Variants in CPQ observed in about 807,000 individuals in gnomAD.
CPQ encodes the protein Ser-Met dipeptidase.
Under a neutral mutation model 45.7 loss-of-function variants are expected in CPQ, and 37 were observed. The observed-to-expected ratio is 0.81, with a 90% CI of 0.62 to 1.07. The LOEUF (loss-of-function observed/expected upper bound fraction) is 1.07, where lower values mean the gene tolerates loss of function less well. Among genes scored for constraint, CPQ ranks in the 50% least tolerant of loss-of-function variants. The probability of loss-of-function intolerance (pLI) is 0.00; values close to 1 mark genes in which losing one functional copy is unlikely to be tolerated. For synonymous variants in CPQ, 186 were observed against 205.8 expected, an observed-to-expected ratio of 0.90 and a Z score of 0.82; for missense variants, 537 against 572.9, an observed-to-expected ratio of 0.94 and a Z score of 0.64.
chr8:97,075,881 C>T (rs1371915020), intron 7 of CPQ, among the ~76,000 whole-genome samples: 1 of 152,178 alleles, frequency 6.6e-6, no homozygotes, highest in Non-Finnish European at 1.5e-5. Context: ...AGTCCTATTT[C>T]AGCCACACAG....
chr8:96,970,565 C>CTTTT (rs34088987), intron 5 of CPQ, among the ~76,000 whole-genome samples: 2 of 142,292 alleles, frequency 1.4e-5, no homozygotes, highest in Admixed American at 7.0e-5. Flanking sequence ...GCCCAACACT[C>CTTTT]TTTTTTTTTT....
chr8:96,724,348 CTT>C (rs1809806454), intron 1 of CPQ, among the ~76,000 whole-genome samples: 2 of 151,956 alleles, frequency 1.3e-5, no homozygotes, highest in African/African-American at 4.8e-5. Flanking sequence ...AATATTTGTT[CTT>C]TCCAAAACTC....
intron 4 of CPQ, among the ~76,000 whole-genome samples, chr8:96,884,080 A>T (rs1382832401): frequency 6.6e-6 from 1 of 152,190 alleles, no homozygotes; most frequent in Non-Finnish European, 1.5e-5. Context: ...ATGTAGTGCA[A>T]CATGTCCAAA....
chr8:96,933,410 G>A (rs1812999787), intron 4 of CPQ, among the ~76,000 whole-genome samples: 2 of 152,168 alleles, frequency 1.3e-5, no homozygotes, highest in African/African-American at 2.4e-5. Flanking sequence ...AAGTGGTCCT[G>A]TATCATCAGC....
chr8:96,812,918 G>A (rs1811177644), intron 2 of CPQ, among the ~76,000 whole-genome samples: 1 of 151,710 alleles, frequency 6.6e-6, no homozygotes, highest in Non-Finnish European at 1.5e-5. Context: ...AAGCCAAAAT[G>A]TTTGTCATCA....
intron 1 of CPQ, among the ~76,000 whole-genome samples, chr8:96,764,638 G>A (rs554555432): frequency 1.3e-5 from 2 of 152,132 alleles, no homozygotes; most frequent in African/African-American, 4.8e-5. Context: ...AAAAACCCAA[G>A]ACTAAAGTGA....
At chr8:96,862,017 C>T (rs1811932647) in intron 3 of CPQ, among the ~76,000 whole-genome samples, 1 of 151,930 alleles carries the variant, frequency 6.6e-6, no homozygotes. Context: ...GGGATCTCAA[C>T]AGGGATAAAG....
chr8:96,779,583 G>T (rs989177893), intron 1 of CPQ, among the ~76,000 whole-genome samples: 1 of 152,042 alleles, frequency 6.6e-6, no homozygotes, highest in Admixed American at 6.6e-5. Context: ...TATGGACTAG[G>T]GATCACTAAG....
At chr8:96,712,978 C>T (rs369624794) in intron 1 of CPQ, among the ~76,000 whole-genome samples, 81 of 152,164 alleles carry the variant, frequency 5.3e-4, no homozygotes, top group African/African-American at 1.8e-3. Context: ...CTGCCAAGTA[C>T]GCTAGATCAT....
intron 1 of CPQ, among the ~76,000 whole-genome samples, chr8:96,714,999 C>T (rs1256269808): frequency 6.6e-6 from 1 of 152,102 alleles, no homozygotes. Context: ...GGTTCATAGT[C>T]TCTTGTGGGG....
intron 1 of CPQ, among the ~76,000 whole-genome samples, chr8:96,681,110 A>G (rs1371459390): frequency 1.3e-5 from 2 of 152,220 alleles, no homozygotes; most frequent in Non-Finnish European, 2.9e-5. Context: ...AATAGAAAAG[A>G]TAATCTCATT....
At chr8:97,021,014 A>G (rs1234541159) in intron 5 of CPQ, among the ~76,000 whole-genome samples, 1 of 152,204 alleles carries the variant, frequency 6.6e-6, no homozygotes, top group African/African-American at 2.4e-5. Flanking sequence ...TATCAAAAAG[A>G]TAATCCACCA....
intron 4 of CPQ, among the ~76,000 whole-genome samples, chr8:96,939,348 G>C (rs970250674): frequency 6.6e-6 from 1 of 152,176 alleles, no homozygotes; most frequent in African/African-American, 2.4e-5. Context: ...CTCACTTCCT[G>C]TTGTGCGGCC....
chr8:97,142,991 A>G (rs765410700), intron 7 of CPQ, 29 bp from the exon 8 acceptor site: 4 of 1,610,728 alleles, frequency 2.5e-6, no homozygotes, highest in African/African-American at 1.3e-5. Context: ...AAAATACTCC[A>G]CTAAGAATTC....
At chr8:96,849,783 G>A (rs778946603) in intron 3 of CPQ, among the ~76,000 whole-genome samples, 15 of 152,070 alleles carry the variant, frequency 9.9e-5, no homozygotes, top group South Asian at 2.1e-4. Context: ...GTTTTTGGTG[G>A]CTTGGCACTT....
At chr8:96,983,036 A>C (rs2130391040) in intron 5 of CPQ, among the ~76,000 whole-genome samples, 1 of 152,310 alleles carries the variant, frequency 6.6e-6, no homozygotes, top group East Asian at 1.9e-4. Flanking sequence ...ATTAAAAGTT[A>C]CCAATACAGT....
intron 6 of CPQ, among the ~76,000 whole-genome samples, chr8:97,045,436 T>C (rs541094186): frequency 9.2e-5 from 14 of 152,324 alleles, no homozygotes; most frequent in Admixed American, 9.1e-4. Flanking sequence ...CCCCTTGTGC[T>C]TCCCGAGTGA....
At chr8:96,665,072 C>T (rs1477816022) in intron 1 of CPQ, among the ~76,000 whole-genome samples, 1 of 151,996 alleles carries the variant, frequency 6.6e-6, no homozygotes, top group Admixed American at 6.6e-5. Flanking sequence ...TCCGAGGAAA[C>T]AATAGAAGAG....
intron 1 of CPQ, among the ~76,000 whole-genome samples, chr8:96,702,041 T>C (rs577556003): frequency 3.1e-4 from 47 of 152,320 alleles, no homozygotes; most frequent in African/African-American, 1.1e-3. Flanking sequence ...TTCCCTTCTT[T>C]GGTGACCCAC....
Sources: gnomAD v4.1 joint callset for allele counts (sites outside exome capture counted in the v4.1 genomes callset) on GRCh38, gnomAD v4.1.1 for gene constraint, MANE v1.5 for transcripts, NCBI Gene and HGNC (gene_info 2026-07-23, HGNC 2026-07-21) for gene names.